Variants in LRRC37A2 observed in about 807,000 individuals in gnomAD.
LRRC37A2 encodes leucine rich repeat containing 37 member A2.
Under a neutral mutation model 68.8 loss-of-function variants are expected in LRRC37A2, and 9 were observed. That is an observed-to-expected ratio of 0.13 (90% CI 0.08 to 0.23). The LOEUF is 0.23. LRRC37A2 is among the 10% of genes least tolerant of loss of function. The pLI, the probability that LRRC37A2 is intolerant of heterozygous loss-of-function variation, is 1.00. For missense variants in LRRC37A2, 168 were observed against 950.4 expected, an observed-to-expected ratio of 0.18 and a Z score of 10.82; for synonymous variants, 63 against 367.6, an observed-to-expected ratio of 0.17 and a Z score of 9.48.
At chr17:46,862,595 T>G in the LRRC37A2 span, among the ~76,000 whole-genome samples, 1 of 152,204 alleles carries the variant, frequency 6.6e-6, no homozygotes, top group African/African-American at 2.4e-5. Flanking sequence ...TTTGTTTTGT[T>G]TTTTTGAGAC....
the LRRC37A2 span, chr17:46,931,409 C>T: frequency 8.3e-6 from 5 of 603,132 alleles, no homozygotes; most frequent in Admixed American, 3.0e-5. Context: ...GTTTGTGACT[C>T]AGAAACCTTG....
the LRRC37A2 span, chr17:46,932,575 C>T: frequency 4.3e-5 from 20 of 465,780 alleles, no homozygotes; most frequent in Admixed American, 7.8e-5. Context: ...AAGCTGCCTG[C>T]GGGCAGTTGC....
chr17:46,947,921 A>C, the LRRC37A2 span, among the ~76,000 whole-genome samples: 1 of 152,150 alleles, frequency 6.6e-6, no homozygotes, highest in Admixed American at 6.5e-5. Flanking sequence ...GGCATGTGCC[A>C]CCACGCCTGG....
chr17:47,034,899 A>G, the LRRC37A2 span: 2 of 152,188 alleles, frequency 1.3e-5, no homozygotes, highest in Non-Finnish European at 2.9e-5. Context: ...TGGCACTCAC[A>G]TTCTTTCTCT....
intron 6 of LRRC37A2, among the ~76,000 whole-genome samples, chr17:46,539,487 C>T (rs2054873635): frequency 1.3e-5 from 2 of 151,238 alleles, no homozygotes; most frequent in Admixed American, 6.6e-5. Flanking sequence ...AAGCAGCCAG[C>T]CGCAGTGGCT....
chr17:46,804,616 G>C, the LRRC37A2 span, among the ~76,000 whole-genome samples: 1 of 152,190 alleles, frequency 6.6e-6, no homozygotes, highest in African/African-American at 2.4e-5. Flanking sequence ...TAAGAGATCA[G>C]AAGAGGAAGA....
chr17:46,731,635 A>G, the LRRC37A2 span, among the ~76,000 whole-genome samples: 20,244 of 152,166 alleles, frequency 0.13, 1,832 homozygotes, highest in Non-Finnish European at 0.2. Context: ...TGGATCATTT[A>G]AAAAGAACAT....
chr17:47,000,794 T>C, the LRRC37A2 span, among the ~76,000 whole-genome samples: 1 of 152,266 alleles, frequency 6.6e-6, no homozygotes, highest in South Asian at 2.1e-4. Context: ...AACTCTTTGG[T>C]GCCATCTGCA....
At chr17:46,767,484 G>A in the LRRC37A2 span, among the ~76,000 whole-genome samples, 25 of 152,170 alleles carry the variant, frequency 1.6e-4, no homozygotes, top group African/African-American at 5.6e-4. Flanking sequence ...TGCCTCAGGG[G>A]TAGAGGAGAC....
chr17:46,539,149 T>C (rs1164550648), intron 6 of LRRC37A2, among the ~76,000 whole-genome samples: 5 of 68,588 alleles, frequency 7.3e-5, no homozygotes, highest in African/African-American at 2.4e-4. Context: ...AGGCGGAGAT[T>C]GCAGTGAGCC....
At chr17:46,710,615 T>G in the LRRC37A2 span, among the ~76,000 whole-genome samples, 1 of 152,228 alleles carries the variant, frequency 6.6e-6, no homozygotes, top group Admixed American at 6.5e-5. Flanking sequence ...CATAATCTCT[T>G]TTTTCCTTTG....
chr17:46,993,693 G>C, the LRRC37A2 span, among the ~76,000 whole-genome samples: 1 of 152,212 alleles, frequency 6.6e-6, no homozygotes, highest in Admixed American at 6.5e-5. Flanking sequence ...CCTACTCCCA[G>C]AATGGGTTCC....
chr17:46,734,680 C>T, the LRRC37A2 span, among the ~76,000 whole-genome samples: 2 of 152,024 alleles, frequency 1.3e-5, no homozygotes, highest in Admixed American at 6.6e-5. Context: ...CCTTTGTAAA[C>T]CTGTGGACTA....
the LRRC37A2 span, among the ~76,000 whole-genome samples, chr17:46,809,121 G>A: frequency 6.6e-6 from 1 of 152,130 alleles, no homozygotes; most frequent in Non-Finnish European, 1.5e-5. Context: ...TGGGGGGATC[G>A]AGGGGGTTTG....
At chr17:46,821,891 G>T in the LRRC37A2 span, among the ~76,000 whole-genome samples, 2 of 152,196 alleles carry the variant, frequency 1.3e-5, no homozygotes, top group South Asian at 2.1e-4. Flanking sequence ...CAAAGAATCC[G>T]GTGGCCAGGC....
the LRRC37A2 span, among the ~76,000 whole-genome samples, chr17:46,972,477 C>G: frequency 6.6e-6 from 1 of 152,244 alleles, no homozygotes; most frequent in South Asian, 2.1e-4. Flanking sequence ...CCTTGCTGAA[C>G]CTCAGCTTTG....
intron 6 of LRRC37A2, among the ~76,000 whole-genome samples, chr17:46,534,477 G>A (rs1429588283): frequency 3.4e-5 from 5 of 148,672 alleles, no homozygotes; most frequent in Non-Finnish European, 5.9e-5. Context: ...AACCCTGAGT[G>A]GACACAGCAC....
the LRRC37A2 span, among the ~76,000 whole-genome samples, chr17:46,800,955 C>T: frequency 6.6e-6 from 1 of 152,126 alleles, no homozygotes; most frequent in Non-Finnish European, 1.5e-5. Context: ...CACAGAGGCA[C>T]GGAGAAGTGA....
the LRRC37A2 span, among the ~76,000 whole-genome samples, chr17:46,472,788 G>A: frequency 1.0e-4 from 2 of 19,236 alleles, no homozygotes; most frequent in Non-Finnish European, 2.1e-4. Context: ...GGTGGTGGGC[G>A]CCTGTAGTCC....
Sources: allele counts gnomAD v4.1 joint callset (sites outside exome capture counted in the v4.1 genomes callset), GRCh38; gene constraint gnomAD v4.1.1; transcripts MANE v1.5; gene names NCBI Gene and HGNC (gene_info 2026-07-23, HGNC 2026-07-21).